The following IQGAP2 variants were observed in gnomAD, a reference collection of about 807,000 sequenced individuals.
IQGAP2 encodes the protein ras GTPase-activating-like protein IQGAP2.
In IQGAP2, 173 loss-of-function variants were observed where a neutral mutation model predicts 201.3. That is an observed-to-expected ratio of 0.86 (90% CI 0.76 to 0.98). IQGAP2 has a LOEUF of 0.98. IQGAP2 is among the 50% of genes least tolerant of loss of function. The pLI is 0.00. For missense variants in IQGAP2, 1,687 were observed against 1,864.8 expected (o/e 0.90, Z 1.76); for synonymous variants, 675 against 673.9 (o/e 1.00, Z -0.03).
At chr5:76,699,199 T>C (rs892588944) in intron 33 of IQGAP2, among the ~76,000 whole-genome samples, 2 of 152,178 alleles carry the variant, frequency 1.3e-5, no homozygotes, top group Non-Finnish European at 2.9e-5. Context: ...ATTCCACATA[T>C]AAGCGAGAAC....
At chr5:76,508,004 CAAAAAAAA>C (rs35283673) in intron 2 of IQGAP2, among the ~76,000 whole-genome samples, 1 of 63,310 alleles carries the variant, frequency 1.6e-5, no homozygotes. Context: ...GACTCCTTCT[CAAAAAAAA>C]AAAAAAAAAA....
At chr5:76,671,529 CA>C (rs1420177029) in intron 23 of IQGAP2, among the ~76,000 whole-genome samples, 1 of 151,652 alleles carries the variant, frequency 6.6e-6, no homozygotes, top group East Asian at 2.0e-4. Flanking sequence ...ACTAAAAATA[CA>C]AAAAGTAGCC....
intron 10 of IQGAP2, among the ~76,000 whole-genome samples, chr5:76,597,971 A>G (rs544425859): frequency 1.6e-3 from 249 of 152,286 alleles, no homozygotes; most frequent in African/African-American, 5.8e-3. Flanking sequence ...TCAATCTGCA[A>G]TTTTAGAAAC....
At chr5:76,639,865 A>C (rs1024270017) in intron 16 of IQGAP2, among the ~76,000 whole-genome samples, 1 of 152,224 alleles carries the variant, frequency 6.6e-6, no homozygotes, top group Admixed American at 6.5e-5. Context: ...GTAGCAATGG[A>C]TTATTAGTGC....
intron 24 of IQGAP2, among the ~76,000 whole-genome samples, chr5:76,672,208 T>C (rs1387938786): frequency 1.3e-5 from 2 of 152,186 alleles, no homozygotes; most frequent in Non-Finnish European, 2.9e-5. Flanking sequence ...TCCATAATTC[T>C]CTCCCTTGTT....
intron 14 of IQGAP2, among the ~76,000 whole-genome samples, chr5:76,631,384 G>A (rs916732939): frequency 1.3e-5 from 2 of 152,138 alleles, no homozygotes; most frequent in Non-Finnish European, 2.9e-5. Flanking sequence ...TAGAACACTT[G>A]TTTAGGTTGT....
intron 2 of IQGAP2, among the ~76,000 whole-genome samples, chr5:76,520,041 G>C (rs1758570536): frequency 6.6e-6 from 1 of 151,388 alleles, no homozygotes; most frequent in South Asian, 2.1e-4. Flanking sequence ...TTTCAATAAA[G>C]TCCAATTTAT....
intron 3 of IQGAP2, among the ~76,000 whole-genome samples, chr5:76,566,415 G>T (rs1320460441): frequency 6.6e-6 from 1 of 152,178 alleles, no homozygotes; most frequent in African/African-American, 2.4e-5. Context: ...GAGCTCATTT[G>T]TGAGAGACTT....
intron 2 of IQGAP2, among the ~76,000 whole-genome samples, chr5:76,515,360 T>A (rs1443325395): frequency 6.6e-6 from 1 of 152,246 alleles, no homozygotes; most frequent in Non-Finnish European, 1.5e-5. Context: ...ATTTTTCTCC[T>A]GGAGTTTTCT....
chr5:76,442,203 A>G (rs1194255002), intron 1 of IQGAP2, among the ~76,000 whole-genome samples: 1 of 152,184 alleles, frequency 6.6e-6, no homozygotes, highest in Non-Finnish European at 1.5e-5. Flanking sequence ...TTCATAGAGA[A>G]TATATATGCA....
chr5:76,454,204 G>T (rs540260405), intron 1 of IQGAP2, among the ~76,000 whole-genome samples: 3 of 152,200 alleles, frequency 2.0e-5, no homozygotes, highest in Non-Finnish European at 4.4e-5. Flanking sequence ...CCAGTCTGCA[G>T]GCCAGCCCTC....
intron 20 of IQGAP2, among the ~76,000 whole-genome samples, chr5:76,657,020 G>GA (rs1176077598): frequency 3.3e-5 from 5 of 152,126 alleles, no homozygotes; most frequent in African/African-American, 1.2e-4. Flanking sequence ...TGTAGGAGCA[G>GA]ACTATAAAGT....
At chr5:76,489,383 C>G (rs1267280108) in intron 2 of IQGAP2, among the ~76,000 whole-genome samples, 1 of 152,132 alleles carries the variant, frequency 6.6e-6, no homozygotes, top group East Asian at 1.9e-4. Flanking sequence ...ATATCTTTTT[C>G]CAGTAAAGAT....
intron 2 of IQGAP2, among the ~76,000 whole-genome samples, chr5:76,469,721 A>T (rs2150133821): frequency 6.6e-6 from 1 of 152,178 alleles, no homozygotes; most frequent in South Asian, 2.1e-4. Context: ...ACTAATATTG[A>T]TGGCAATGAA....
chr5:76,643,336 C>G (rs1252213773), intron 17 of IQGAP2, among the ~76,000 whole-genome samples: 1 of 152,146 alleles, frequency 6.6e-6, no homozygotes, highest in Non-Finnish European at 1.5e-5. Context: ...TTGGAGCAGA[C>G]ACAAAAAACT....
intron 2 of IQGAP2, among the ~76,000 whole-genome samples, chr5:76,499,292 A>C (rs1411077195): frequency 6.6e-6 from 1 of 152,196 alleles, no homozygotes; most frequent in South Asian, 2.1e-4. Context: ...TCTGAAATGT[A>C]AGCACCTGGG....
intron 1 of IQGAP2, among the ~76,000 whole-genome samples, chr5:76,460,482 G>C (rs928016924): frequency 6.6e-5 from 10 of 152,124 alleles, no homozygotes; most frequent in Non-Finnish European, 1.2e-4. Context: ...TAATAAGGAA[G>C]ACGCTTCTGT....
chr5:76,626,253 C>CTTTT (rs796870443), intron 13 of IQGAP2, among the ~76,000 whole-genome samples: 3 of 89,910 alleles, frequency 3.3e-5, no homozygotes, highest in African/African-American at 4.2e-5. Flanking sequence ...AATTCTTTTT[C>CTTTT]TTTTTTTTCT....
rs1747827925 is a variant in IQGAP2, at chr5:76,705,678, T to C, written c.4615-1522T>C. ...CTATAGAATTTTAGTTCTAGAAGCATATCTGAATAATGTAGGGGTTTTCTT... is the reference window on the plus strand; with the variant it reads ...CTATAGAATTTTAGTTCTAGAAGCACATCTGAATAATGTAGGGGTTTTCTT... On this transcript the variant is annotated intron_variant, in intron 35 of 35. Coordinates refer to ENST00000274364, the MANE Select transcript of IQGAP2 (RefSeq NM_006633.5). Among the ~76,000 whole-genome samples, 3 of 152,224 alleles carry C rather than the reference T, an allele frequency of 2.0e-5. 1 individual carries two copies. In the South Asian group the frequency reaches 6.2e-4, roughly 31 times the overall value.
Sources: allele counts gnomAD v4.1 joint callset (sites outside exome capture counted in the v4.1 genomes callset), GRCh38; gene constraint gnomAD v4.1.1; transcripts MANE v1.5; gene names NCBI Gene and HGNC (gene_info 2026-07-23, HGNC 2026-07-21).